The following HPSE2 variants were observed in gnomAD, a reference collection of about 807,000 sequenced individuals.
HPSE2 encodes heparanase 2 (inactive).
In HPSE2, 38 loss-of-function variants were observed where a neutral mutation model predicts 60.5. That is an observed-to-expected ratio of 0.63 (90% CI 0.48 to 0.82). The LOEUF is 0.82. Among genes scored for constraint, HPSE2 ranks in the 40% least tolerant of loss-of-function variants. The pLI is 0.00. For synonymous variants in HPSE2, 295 were observed against 293.2 expected (o/e 1.01, Z -0.06); for missense variants, 713 against 740.4 (o/e 0.96, Z 0.43).
In HPSE2 at chr10:99,235,525, A is replaced by G. The variant is rs1849810004; in HGVS notation, c.278T>C (p.Leu93Pro). The G allele has an allele frequency of 6.2e-7, 1 of 1,614,158 alleles. No individual in the cohort carries two copies. The highest frequency in any genetic ancestry group is 8.5e-7 in the Non-Finnish European group (1 of 1,180,032). The change falls in exon 1 of 12, where the codon CTC (leucine) becomes CCC (proline). Residue 93 changes from leucine to proline, a missense_variant. Physicochemically the swap from Leu to Pro is moderately conservative, Grantham distance 98. Transcript: ENST00000370552. Reference sequence around the variant, plus strand: ...ACCCCTGCCTTACCTTAGGAAATCGAGCCAGCCATCATGAATGATGGACGG... The same window carrying G: ...ACCCCTGCCTTACCTTAGGAAATCGGGCCAGCCATCATGAATGATGGACGG... ...LDPSIIHDGW[L>P]DFLSSKRLVT...
At chr10:98,582,691 T>C (rs1944833406) in intron 9 of HPSE2, among the ~76,000 whole-genome samples, 1 of 152,214 alleles carries the variant, frequency 6.6e-6, no homozygotes, top group Non-Finnish European at 1.5e-5. Flanking sequence ...GGCATAACTG[T>C]CTCTATGGAG....
At chr10:98,797,449 A>C (rs1950802354) in intron 3 of HPSE2, among the ~76,000 whole-genome samples, 1 of 152,200 alleles carries the variant, frequency 6.6e-6, no homozygotes, top group African/African-American at 2.4e-5. Context: ...ATACAAAAGA[A>C]AGAAAAGAAT....
At chr10:98,554,055 A>G (rs943088744) in intron 9 of HPSE2, among the ~76,000 whole-genome samples, 2 of 152,200 alleles carry the variant, frequency 1.3e-5, no homozygotes, top group Non-Finnish European at 2.9e-5. Flanking sequence ...TCATGTCATT[A>G]TAATAATATG....
At chr10:98,696,143 T>C (rs1013909075) in intron 5 of HPSE2, among the ~76,000 whole-genome samples, 6 of 151,812 alleles carry the variant, frequency 4.0e-5, no homozygotes, top group Admixed American at 3.3e-4. Context: ...TAGACACAAA[T>C]GTCATTTCAA....
chr10:98,900,647 A>T (rs1179377277), intron 3 of HPSE2, among the ~76,000 whole-genome samples: 1 of 152,234 alleles, frequency 6.6e-6, no homozygotes, highest in Non-Finnish European at 1.5e-5. Context: ...TAAAAAATAC[A>T]TAAAGCCAGA....
chr10:98,762,250 C>G (rs1316008763), intron 3 of HPSE2, among the ~76,000 whole-genome samples: 1 of 137,044 alleles, frequency 7.3e-6, no homozygotes, highest in Non-Finnish European at 1.5e-5. Context: ...CAGTTTGCCT[C>G]TAAAGAAGTC....
the HPSE2 span, among the ~76,000 whole-genome samples, chr10:99,285,380 T>C: frequency 6.7e-6 from 1 of 150,092 alleles, no homozygotes; most frequent in African/African-American, 2.5e-5. Flanking sequence ...TGCAGTGAGC[T>C]GAGTGTGCCA....
At chr10:98,807,158 A>C (rs986158090) in intron 3 of HPSE2, among the ~76,000 whole-genome samples, 1 of 152,188 alleles carries the variant, frequency 6.6e-6, no homozygotes, top group African/African-American at 2.4e-5. Context: ...TTAAAAAAAT[A>C]ATAATAATAT....
chr10:99,301,848 C>T, the HPSE2 span, among the ~76,000 whole-genome samples: 1 of 151,640 alleles, frequency 6.6e-6, no homozygotes, highest in Non-Finnish European at 1.5e-5. Flanking sequence ...AACAGGAGCT[C>T]ACTTACTTAA....
At chr10:99,113,299 A>G (rs919881386) in intron 3 of HPSE2, among the ~76,000 whole-genome samples, 1 of 152,188 alleles carries the variant, frequency 6.6e-6, no homozygotes, top group Non-Finnish European at 1.5e-5. Flanking sequence ...GTACATGGTA[A>G]ATACAGAATC....
chr10:98,478,892 CTT>C (rs986958593), intron 11 of HPSE2, among the ~76,000 whole-genome samples: 3 of 152,142 alleles, frequency 2.0e-5, no homozygotes, highest in Non-Finnish European at 4.4e-5. Flanking sequence ...AGAACAGTCT[CTT>C]ATATAAGGAG....
At chr10:98,660,707 C>T (rs1947199457) in intron 6 of HPSE2, among the ~76,000 whole-genome samples, 1 of 152,108 alleles carries the variant, frequency 6.6e-6, no homozygotes, top group African/African-American at 2.4e-5. Flanking sequence ...CTTCATCTTT[C>T]CTTTCCTTCT....
At chr10:98,652,903 C>G (rs541699359) in intron 6 of HPSE2, among the ~76,000 whole-genome samples, 1 of 152,042 alleles carries the variant, frequency 6.6e-6, no homozygotes, top group Admixed American at 6.6e-5. Context: ...GCTGGTTTTC[C>G]AATCATTAGT....
At chr10:98,994,413 G>C (rs1342778778) in intron 3 of HPSE2, among the ~76,000 whole-genome samples, 1 of 152,204 alleles carries the variant, frequency 6.6e-6, no homozygotes, top group Non-Finnish European at 1.5e-5. Context: ...GCAGGGCACA[G>C]CCCAGCATTA....
chr10:99,016,364 A>G (rs1957141496), intron 3 of HPSE2, among the ~76,000 whole-genome samples: 1 of 151,896 alleles, frequency 6.6e-6, no homozygotes, highest in African/African-American at 2.4e-5. Context: ...CTTATTTCCA[A>G]GTTCTGTATT....
intron 9 of HPSE2, among the ~76,000 whole-genome samples, chr10:98,586,260 T>A (rs1013309395): frequency 6.6e-6 from 1 of 152,190 alleles, no homozygotes; most frequent in African/African-American, 2.4e-5. Flanking sequence ...TATTTTGACA[T>A]ATTTCTGAGT....
chr10:98,510,497 A>G (rs1564928911), intron 9 of HPSE2, among the ~76,000 whole-genome samples: 1 of 152,222 alleles, frequency 6.6e-6, no homozygotes, highest in Non-Finnish European at 1.5e-5. Context: ...TAGGCCAGAA[A>G]GGTGGCAAAG....
intron 3 of HPSE2, among the ~76,000 whole-genome samples, chr10:98,953,124 G>A (rs1035087149): frequency 6.6e-6 from 1 of 152,140 alleles, no homozygotes; most frequent in African/African-American, 2.4e-5. Context: ...GGCTCCTGGT[G>A]GACAAGGGGA....
At chr10:99,302,442 T>C in the HPSE2 span, among the ~76,000 whole-genome samples, 1 of 151,342 alleles carries the variant, frequency 6.6e-6, no homozygotes, top group Non-Finnish European at 1.5e-5. Context: ...AAATCTCTAT[T>C]ATCAAAGGAA....
Sources: allele counts gnomAD v4.1 joint callset (sites outside exome capture counted in the v4.1 genomes callset), GRCh38; gene constraint gnomAD v4.1.1; transcripts MANE v1.5; gene names NCBI Gene and HGNC (gene_info 2026-07-23, HGNC 2026-07-21).